MB21D2: variants seen among roughly 807,000 people sequenced by gnomAD.
MB21D2 encodes the protein nucleotidyltransferase MB21D2.
MB21D2 carries 9 observed loss-of-function variants against 33.3 expected under a neutral mutation model. The ratio of observed to expected loss-of-function variants is 0.27; its 90% CI spans 0.16 to 0.47. The LOEUF is 0.47. MB21D2 is among the 20% of genes least tolerant of loss of function. MB21D2 has a pLI of 0.99. For missense variants in MB21D2, 540 were observed against 624.6 expected, an observed-to-expected ratio of 0.86 and a Z score of 1.44; for synonymous variants, 241 against 236.3, an observed-to-expected ratio of 1.02 and a Z score of -0.18.
chr3:192,844,391 T>C (rs933255743), intron 1 of MB21D2, among the ~76,000 whole-genome samples: 1 of 152,232 alleles, frequency 6.6e-6, no homozygotes, highest in South Asian at 2.1e-4. Flanking sequence ...CTCCCACTCA[T>C]GTGGTTGTTT....
At chr3:192,910,504 T>C (rs941584522) in intron 1 of MB21D2, among the ~76,000 whole-genome samples, 2 of 151,938 alleles carry the variant, frequency 1.3e-5, no homozygotes, top group Admixed American at 1.3e-4. Flanking sequence ...AATAACAGAA[T>C]GTGCTCTAAG....
In MB21D2 at chr3:192,854,755, C is replaced by T. The variant is rs560111975; in HGVS notation, c.212-55105G>A. Among the ~76,000 whole-genome samples, 10 of 152,280 alleles carry T rather than the reference C, an allele frequency of 6.6e-5. No homozygotes were observed. In the South Asian group the frequency reaches 8.3e-4, roughly 13 times the overall value. On this transcript the variant is annotated intron_variant, in intron 1 of 1. Coordinates refer to ENST00000392452, the MANE Select transcript of MB21D2 (RefSeq NM_178496.4). The stretch of plus-strand genomic sequence containing the variant: ...GGAAGCCAATGTCCATCTACCATTC[C>T]GAAAATCCTAAGGTCTTTAAGAATT...
intron 1 of MB21D2, among the ~76,000 whole-genome samples, chr3:192,902,164 A>T (rs1714118238): frequency 6.6e-6 from 1 of 152,194 alleles, no homozygotes; most frequent in African/African-American, 2.4e-5. Context: ...TGGACCAGGA[A>T]TCAGAACCGT....
At chr3:192,850,607 C>A (rs765308826) in intron 1 of MB21D2, among the ~76,000 whole-genome samples, 1 of 152,222 alleles carries the variant, frequency 6.6e-6, no homozygotes, top group Non-Finnish European at 1.5e-5. Flanking sequence ...TACACATACA[C>A]GTCTGAAAAC....
At chr3:192,864,112 G>T (rs376392993) in intron 1 of MB21D2, among the ~76,000 whole-genome samples, 1 of 152,204 alleles carries the variant, frequency 6.6e-6, no homozygotes, top group Non-Finnish European at 1.5e-5. Context: ...GTGGCAGTGG[G>T]TATCAGGGAA....
chr3:192,899,072 T>C (rs1379208044), intron 1 of MB21D2, among the ~76,000 whole-genome samples: 1 of 152,190 alleles, frequency 6.6e-6, no homozygotes, highest in Non-Finnish European at 1.5e-5. Flanking sequence ...TTCAGAATGT[T>C]TGTGTCTTTA....
intron 1 of MB21D2, among the ~76,000 whole-genome samples, chr3:192,806,296 C>G (rs560460801): frequency 6.6e-6 from 1 of 152,348 alleles, no homozygotes; most frequent in African/African-American, 2.4e-5. Context: ...GTCCCAGGAG[C>G]TCCTACATAT....
chr3:192,799,571 C>T lies in MB21D2; in HGVS notation c.291G>A (p.Val97=). The change falls in exon 2 of 2, where the codon GTG becomes GTA. Residue 97 remains valine, a synonymous_variant. Transcript: ENST00000392452. The surrounding 1 kb of genome is among the most constrained non-coding windows in gnomAD (Gnocchi z 4.1). ...LLLSGGVREG[V]VDLDLDELNV... is the part of the protein sequence containing the mutation. ...TAAGCTCATCTAAGTCCAGGTCCACCACGCCTTCCCGGACACCTCCAGAGA... is the reference window on the plus strand; with the variant it reads ...TAAGCTCATCTAAGTCCAGGTCCACTACGCCTTCCCGGACACCTCCAGAGA... The T allele has an allele frequency of 6.2e-7, 1 of 1,614,174 alleles. No homozygotes were observed. The highest frequency in any genetic ancestry group is 1.7e-5 in the Admixed American group (1 of 60,026).
chr3:192,898,091 T>G lies in MB21D2; in HGVS notation c.211+19539A>C, dbSNP rs538543426. Among the ~76,000 whole-genome samples, 3 of 152,194 alleles carry G rather than the reference T, an allele frequency of 2.0e-5. No individual in the cohort carries two copies. In the South Asian group the frequency reaches 6.2e-4, roughly 32 times the overall value. ...CAAATATACTACTACTTTTTAAGTA[T>G]ATGTAGATGCTATTAAGATAAAATT... On this transcript the variant is annotated intron_variant, in intron 1 of 1. Transcript: ENST00000392452.
At chr3:192,831,566 G>A (rs1712315200) in intron 1 of MB21D2, among the ~76,000 whole-genome samples, 1 of 152,172 alleles carries the variant, frequency 6.6e-6, no homozygotes, top group Non-Finnish European at 1.5e-5. Flanking sequence ...TATCTCAGAT[G>A]ACTCATCTGT....
At chr3:192,905,705 T>C (rs1714202541) in intron 1 of MB21D2, among the ~76,000 whole-genome samples, 1 of 146,734 alleles carries the variant, frequency 6.8e-6, no homozygotes. Context: ...GAGGTGTGTG[T>C]GCCTGTAGTG....
At chr3:192,867,446 C>T (rs749304154) in intron 1 of MB21D2, among the ~76,000 whole-genome samples, 16 of 152,168 alleles carry the variant, frequency 1.1e-4, no homozygotes, top group Non-Finnish European at 1.9e-4. Flanking sequence ...ACCTCCATGG[C>T]TCAGTGACAC....
intron 1 of MB21D2, among the ~76,000 whole-genome samples, chr3:192,828,901 G>A (rs896356671): frequency 4.6e-5 from 7 of 151,316 alleles, no homozygotes; most frequent in African/African-American, 7.3e-5. Context: ...CACCCGCCTC[G>A]GCCTTCCAAA....
intron 1 of MB21D2, among the ~76,000 whole-genome samples, chr3:192,839,081 G>A (rs1712513263): frequency 1.3e-5 from 2 of 152,170 alleles, no homozygotes; most frequent in Non-Finnish European, 2.9e-5. Context: ...CTTCATGATG[G>A]TGAGGGGGTG....
At chr3:192,898,709 G>A (rs1229363162) in intron 1 of MB21D2, among the ~76,000 whole-genome samples, 1 of 152,210 alleles carries the variant, frequency 6.6e-6, no homozygotes, top group Admixed American at 6.5e-5. Context: ...TTCTATGGCA[G>A]TGTAAAATAC....
At chr3:192,864,585 C>CA (rs1200574401) in intron 1 of MB21D2, among the ~76,000 whole-genome samples, 1 of 152,190 alleles carries the variant, frequency 6.6e-6, no homozygotes, top group African/African-American at 2.4e-5. Context: ...TGGCTCACTG[C>CA]AACCTCGGCC....
At chr3:192,897,378 G>A (rs946800169) in intron 1 of MB21D2, among the ~76,000 whole-genome samples, 2 of 152,150 alleles carry the variant, frequency 1.3e-5, no homozygotes, top group Non-Finnish European at 2.9e-5. Flanking sequence ...CTGACAGGAG[G>A]CCCCACTAAC....
intron 1 of MB21D2, among the ~76,000 whole-genome samples, chr3:192,901,033 C>G (rs1714088667): frequency 6.6e-6 from 1 of 151,852 alleles, no homozygotes; most frequent in Non-Finnish European, 1.5e-5. Flanking sequence ...AGGAAGGAAA[C>G]AGTACTGAAA....
intron 1 of MB21D2, among the ~76,000 whole-genome samples, chr3:192,887,523 A>G (rs1377621427): frequency 6.6e-6 from 1 of 152,156 alleles, no homozygotes; most frequent in Admixed American, 6.5e-5. Context: ...AAAAAAGGAA[A>G]AAGATATATT....
Sources: allele counts gnomAD v4.1 joint callset (sites outside exome capture counted in the v4.1 genomes callset), GRCh38; gene constraint gnomAD v4.1.1; non-coding constraint Gnocchi (gnomAD v3.1); transcripts MANE v1.5; gene names NCBI Gene and HGNC (gene_info 2026-07-23, HGNC 2026-07-21).